Variants in SMC4 observed in about 807,000 individuals in gnomAD.
The protein encoded by SMC4 is structural maintenance of chromosomes 4, also known as structural maintenance of chromosomes protein 4.
Under a neutral mutation model 145.6 loss-of-function variants are expected in SMC4, and 87 were observed. That is an observed-to-expected ratio of 0.60 (90% CI 0.50 to 0.71). The LOEUF is 0.71. Among genes scored for constraint, SMC4 ranks in the 30% least tolerant of loss-of-function variants. The pLI is 0.00. For synonymous variants in SMC4, 558 were observed against 500.7 expected (o/e 1.11, Z -1.53); for missense variants, 1,447 against 1,537.1 (o/e 0.94, Z 0.98).
chr3:160,410,237 G>T (rs923404600), intron 5 of SMC4, among the ~76,000 whole-genome samples: 1 of 152,158 alleles, frequency 6.6e-6, no homozygotes, highest in Non-Finnish European at 1.5e-5. Flanking sequence ...GGTGTCTAGT[G>T]GGTGAAGGTC....
At chr3:160,410,104 A>G (rs923982302) in intron 5 of SMC4, among the ~76,000 whole-genome samples, 5 of 152,126 alleles carry the variant, frequency 3.3e-5, no homozygotes, top group Non-Finnish European at 7.4e-5. Flanking sequence ...TGAACAAACA[A>G]ACTGCAGCCT....
chr3:160,420,779 A>T lies in SMC4; in HGVS notation c.1897A>T (p.Ile633Leu). 1.9e-6 allele frequency: 3 copies of T among 1,613,910 alleles called. No homozygotes were observed. The South Asian group carries it at 3.3e-5, about 18-fold the overall frequency. Residue 633 changes from isoleucine (I) to leucine (L), a missense_variant, in exon 13 of 24, where the codon ATA (isoleucine) becomes TTA (leucine). Coordinates refer to ENST00000357388, the MANE Select transcript of SMC4 (RefSeq NM_001002800.3). ...GAIDEKYDVA[I>L]SSCCHALDYI... ...CATTGATGAAAAATACGACGTGGCT[A>T]TATCATCCTGTTGTCATGCACTGGA...
intron 17 of SMC4, among the ~76,000 whole-genome samples, chr3:160,427,058 A>T (rs977438727): frequency 6.6e-6 from 1 of 152,212 alleles, no homozygotes; most frequent in African/African-American, 2.4e-5. Context: ...AAAGATTTTT[A>T]AATGTTGACA....
chr3:160,411,273 T>C (rs1715964061), intron 5 of SMC4, among the ~76,000 whole-genome samples: 1 of 152,222 alleles, frequency 6.6e-6, no homozygotes, highest in Non-Finnish European at 1.5e-5. Context: ...GTCAAGGTGG[T>C]CTGTTTGATT....
intron 18 of SMC4, among the ~76,000 whole-genome samples, chr3:160,430,177 G>C (rs1191170613): frequency 1.3e-5 from 2 of 152,104 alleles, no homozygotes; most frequent in Admixed American, 1.3e-4. Context: ...TTTGCTCAGA[G>C]ATAAGGAGGT....
Position 160,402,882 on chromosome 3 carries a change from C to T in SMC4, c.510+15C>T, listed in dbSNP as rs778869442. The T allele has an allele frequency of 2.6e-6, 4 of 1,513,596 alleles. No individual in the cohort carries two copies. In the South Asian group the frequency reaches 5.2e-5, roughly 20 times the overall value. The allele number at this position is 1,513,596 out of a possible 1,614,324, so 93.8% of individuals were successfully genotyped here. Reference sequence around the variant, plus strand: ...TAATTGATAAGGTAAGGGATTTTTACTGTTATTGGCAAGTTCAAGTAAGGA... The same window carrying T: ...TAATTGATAAGGTAAGGGATTTTTATTGTTATTGGCAAGTTCAAGTAAGGA... On this transcript the variant is annotated intron_variant, in intron 4 of 23. Transcript: ENST00000357388.
intron 13 of SMC4, 143 bp from the exon 14 acceptor site, chr3:160,423,282 G>A (rs140017582): frequency 6.4e-5 from 40 of 622,596 alleles, no homozygotes; most frequent in African/African-American, 1.5e-4. Flanking sequence ...GATGTCTTCC[G>A]TTTAGGTCTA....
At chr3:160,418,472 C>T (rs1225764592) in intron 11 of SMC4, among the ~76,000 whole-genome samples, 1 of 151,870 alleles carries the variant, frequency 6.6e-6, no homozygotes, top group African/African-American at 2.4e-5. Flanking sequence ...CAAAGATCTC[C>T]AAAACCTCAG....
intron 5 of SMC4, among the ~76,000 whole-genome samples, chr3:160,409,731 G>GT (rs1199288622): frequency 6.6e-6 from 1 of 152,124 alleles, no homozygotes; most frequent in Non-Finnish European, 1.5e-5. Context: ...GTCAGATATT[G>GT]TTTTTTATTT....
At chr3:160,404,697 T>G in intron 5 of SMC4, 193 bp downstream of exon 5, 1 of 731,140 alleles carries the variant, frequency 1.4e-6, no homozygotes, top group Non-Finnish European at 2.6e-6. Context: ...CAAAACTATG[T>G]TTTCATCATC....
Position 160,409,710 on chromosome 3 carries a change from G to A in SMC4, c.688-2210G>A, listed in dbSNP as rs546883150. 1.2e-4 allele frequency among the ~76,000 whole-genome samples: 18 copies of A among 152,236 alleles called. No individual in the cohort carries two copies. The South Asian group carries it at 3.5e-3, about 30-fold the overall frequency. ...TCAGATATTCTCCTTGAATTGGGTA[G>A]AATATTAATTGTCAGATATTGTTTT... On this transcript the variant is annotated intron_variant, in intron 5 of 23. Transcript: ENST00000357388.
intron 5 of SMC4, among the ~76,000 whole-genome samples, chr3:160,410,628 A>C (rs1044120226): frequency 6.6e-6 from 1 of 152,242 alleles, no homozygotes; most frequent in African/African-American, 2.4e-5. Context: ...TTGTGCTTAT[A>C]GACTGTCAGA....
intron 5 of SMC4, among the ~76,000 whole-genome samples, chr3:160,407,875 G>A (rs1488101485): frequency 1.3e-5 from 2 of 152,164 alleles, no homozygotes; most frequent in Non-Finnish European, 2.9e-5. Context: ...ATATCAAGAA[G>A]TCCAGCTACT....
At position 160,423,750 on chromosome 3, in the gene SMC4, C is replaced by T. The variant is rs1717458904; in HGVS notation, c.2246-11C>T. 1 of 1,612,314 alleles carries T rather than the reference C, an allele frequency of 6.2e-7. No homozygotes were observed. The highest frequency in any genetic ancestry group is 1.3e-5 in the African/African-American group (1 of 74,906). ...GACATCTGAAGCTGACTTCTCTCCC[C>T]TGTTTTCCAGGTACAATGACTGGTG... On this transcript the variant is annotated splice_polypyrimidine_tract_variant and intron_variant, in intron 14 of 23. Transcript: ENST00000357388.
rs1459509177 is a variant in SMC4, at chr3:160,434,417, A to G, written c.*608A>G. ...TAGGCTATCTCGTAAGTTGAAAAAT[A>G]TCCCACTATAGTTGCTTCATGAGTA... On this transcript the variant is annotated 3_prime_UTR_variant, in exon 24 of 24. Transcript: ENST00000357388. 1.3e-5 allele frequency: 2 copies of G among 152,220 alleles called. No individual in the cohort carries two copies. Among genetic ancestry groups the G allele is most frequent in the Non-Finnish European group, 2.9e-5 (2 of 68,050 alleles). The allele number at this position is 152,220 out of a possible 1,614,324, so 9.4% of individuals were successfully genotyped here.
At position 160,401,997 on chromosome 3, in the gene SMC4, C is replaced by G. The variant is rs1186299453; in HGVS notation, c.222C>G (p.Thr74=). 1 of 1,604,514 alleles carries G rather than the reference C, an allele frequency of 6.2e-7. No homozygotes were observed. Among genetic ancestry groups the G allele is most frequent in the African/African-American group, 1.3e-5 (1 of 74,242 alleles). The part of the protein sequence containing the change: ...SIPPPPPPAM[T]NEAGAPRLMI... ...CTCCTCCCCCGCCTCCAGCAATGAC[C>G]AATGAAGCTGGAGCTCCTCGGCTTA... is the stretch of plus-strand genomic sequence containing the variant. The change falls in exon 3 of 24, where the codon ACC becomes ACG. Residue 74 remains threonine, a synonymous_variant. Transcript: ENST00000357388.
intron 1 of SMC4, 149 bp downstream of exon 1, chr3:160,399,898 C>G (rs563843120): frequency 6.6e-6 from 1 of 152,414 alleles, no homozygotes; most frequent in Non-Finnish European, 1.5e-5. Context: ...CACCCCTCCC[C>G]CCTCGGCCGC....
intron 15 of SMC4, 40 bp downstream of exon 15, chr3:160,423,880 T>C: frequency 6.5e-7 from 1 of 1,536,826 alleles, no homozygotes; most frequent in Admixed American, 1.9e-5. Flanking sequence ...TTTTTTTTTT[T>C]TTAAATAGCT....
Position 160,414,478 on chromosome 3 carries a change from CA to C in SMC4, c.1239del (p.Lys413AsnfsTer48), listed in dbSNP as rs754930001. The C allele has an allele frequency of 6.2e-7, 1 of 1,610,386 alleles. No individual in the cohort carries two copies. Among genetic ancestry groups the C allele is most frequent in the Non-Finnish European group, 8.5e-7 (1 of 1,179,106 alleles). The stretch of plus-strand genomic sequence containing the variant: ...AGTTAAAACATGCCACGAGTAAAGC[CA>C]AAAAACTGGAGAAACAACTTCAAAA... ...EKLKHATSKA[K>X]KLEKQLQKDK... On this transcript the variant is annotated frameshift_variant, in exon 9 of 24. Coordinates refer to ENST00000357388, the MANE Select transcript of SMC4 (RefSeq NM_001002800.3). LOFTEE classifies it high-confidence loss of function.
Sources: gnomAD v4.1 joint callset for allele counts (sites outside exome capture counted in the v4.1 genomes callset) on GRCh38, gnomAD v4.1.1 for gene constraint, MANE v1.5 for transcripts, NCBI Gene and HGNC (gene_info 2026-07-23, HGNC 2026-07-21) for gene names.